Variants in ST6GAL2 observed in about 807,000 individuals in gnomAD.
ST6GAL2 encodes the protein beta-galactoside alpha-2,6-sialyltransferase 2.
A neutral mutation model predicts 37.5 loss-of-function variants in ST6GAL2; 24 were observed. That is an observed-to-expected ratio of 0.64 (90% CI 0.46 to 0.90). ST6GAL2 has a LOEUF of 0.90. ST6GAL2 is among the 40% of genes least tolerant of loss of function. ST6GAL2 has a pLI of 0.00. For synonymous variants in ST6GAL2, 306 were observed against 295.1 expected, an observed-to-expected ratio of 1.04 and a Z score of -0.38; for missense variants, 715 against 712.7, an observed-to-expected ratio of 1.00 and a Z score of -0.04.
intron 5 of ST6GAL2, chr2:106,813,084 A>G (rs1004066420): frequency 7.4e-6 from 9 of 1,222,544 alleles, no homozygotes; most frequent in East Asian, 3.3e-5. Context: ...ATCTTTAAAC[A>G]GTATGAATGT....
intron 5 of ST6GAL2, chr2:106,813,184 C>T: frequency 7.4e-7 from 1 of 1,353,876 alleles, no homozygotes. Context: ...GTGATCTCGG[C>T]TCACTGCAAG....
At chr2:106,811,631 G>A (rs903843764) in intron 5 of ST6GAL2, among the ~76,000 whole-genome samples, 2 of 152,032 alleles carry the variant, frequency 1.3e-5, no homozygotes. Context: ...TATCCTAAAC[G>A]TCATACTGAG....
chr2:106,823,420 T>C (rs1411244895), intron 5 of ST6GAL2, among the ~76,000 whole-genome samples: 2 of 144,218 alleles, frequency 1.4e-5, no homozygotes, highest in African/African-American at 5.1e-5. Flanking sequence ...TAACATTTAT[T>C]GCTTTCCTTT....
intron 1 of ST6GAL2, among the ~76,000 whole-genome samples, chr2:106,844,638 T>G (rs1267469194): frequency 6.6e-6 from 1 of 152,186 alleles, no homozygotes; most frequent in Non-Finnish European, 1.5e-5. Context: ...AGTGACTGTG[T>G]CTGTGGGTGA....
At chr2:106,847,736 A>G (rs951727269) in intron 1 of ST6GAL2, among the ~76,000 whole-genome samples, 4 of 152,198 alleles carry the variant, frequency 2.6e-5, no homozygotes, top group Non-Finnish European at 5.9e-5. Flanking sequence ...GGAAAGTACT[A>G]GATTTATGGC....
chr2:106,862,155 G>T (rs771395946), intron 1 of ST6GAL2, among the ~76,000 whole-genome samples: 6 of 152,168 alleles, frequency 3.9e-5, no homozygotes, highest in African/African-American at 1.4e-4. Context: ...TATATGATAT[G>T]CAGCTTAAAT....
At chr2:106,887,076 A>C (rs1034813), upstream of ST6GAL2, 1 of 152,226 alleles carries the variant, frequency 6.6e-6, no homozygotes, top group Non-Finnish European at 1.5e-5. Context: ...GTGGGCGGCC[A>C]GGAGGGAGTC....
intron 1 of ST6GAL2, among the ~76,000 whole-genome samples, chr2:106,859,986 T>C (rs558290911): frequency 6.6e-6 from 1 of 152,218 alleles, no homozygotes; most frequent in African/African-American, 2.4e-5. Flanking sequence ...CCCGACCCCT[T>C]GCTGCCCCTG....
intron 1 of ST6GAL2, among the ~76,000 whole-genome samples, chr2:106,856,548 C>T (rs1436332097): frequency 6.6e-6 from 1 of 152,226 alleles, no homozygotes; most frequent in Non-Finnish European, 1.5e-5. Context: ...TTACCCTCCT[C>T]TGTTTGACAT....
chr2:106,857,901 C>T lies in ST6GAL2; in HGVS notation c.-57-13867G>A, dbSNP rs114543378. Among the ~76,000 whole-genome samples, 473 of 152,276 alleles carry T rather than the reference C, an allele frequency of 3.1e-3. 5 individuals carry two copies. The highest frequency in any genetic ancestry group is 0.011 in the African/African-American group (450 of 41,544). Reference sequence around the variant, plus strand: ...ACACACAGGTCAGGTGTTTTCTCTCCAGTCTACTTGTCCAGTGCTCACTTT... The same window carrying T: ...ACACACAGGTCAGGTGTTTTCTCTCTAGTCTACTTGTCCAGTGCTCACTTT... On this transcript the variant is annotated intron_variant, in intron 1 of 5. Transcript: ENST00000409382.
intron 5 of ST6GAL2, among the ~76,000 whole-genome samples, chr2:106,812,559 G>T (rs1675648563): frequency 1.3e-5 from 2 of 152,132 alleles, no homozygotes; most frequent in Non-Finnish European, 1.5e-5. Context: ...CAGTTAGAGG[G>T]GTGGGAACCT....
chr2:106,817,998 G>C (rs1675868662), intron 5 of ST6GAL2, among the ~76,000 whole-genome samples: 1 of 152,114 alleles, frequency 6.6e-6, no homozygotes, highest in African/African-American at 2.4e-5. Flanking sequence ...GTGAAAAGGG[G>C]AAAGAACAGT....
At chr2:106,878,626 G>C (rs72933066) in intron 1 of ST6GAL2, among the ~76,000 whole-genome samples, 3 of 152,102 alleles carry the variant, frequency 2.0e-5, no homozygotes, top group African/African-American at 7.2e-5. Context: ...CAAAACCAGC[G>C]TAACTGTTTA....
rs1194841800 is a variant in ST6GAL2, at chr2:106,804,031, G to A, written c.*2647C>T. ...AGAACTTAAACTTTTATAGAAGAACGCCCAGTCAGTACTATATTAATGTGT... is the reference window on the plus strand; with the variant it reads ...AGAACTTAAACTTTTATAGAAGAACACCCAGTCAGTACTATATTAATGTGT... On this transcript the variant is annotated 3_prime_UTR_variant, in exon 6 of 6. Coordinates refer to ENST00000409382, the MANE Select transcript of ST6GAL2 (RefSeq NM_001142351.2). The A allele has an allele frequency of 2.0e-5, 3 of 152,070 alleles. No homozygotes were observed. Among genetic ancestry groups the A allele is most frequent in the Non-Finnish European group, 4.4e-5 (3 of 67,992 alleles). The allele number at this position is 152,070 out of a possible 1,614,324, so 9.4% of individuals were successfully genotyped here.
Position 106,803,254 on chromosome 2 carries a change from C to T in ST6GAL2, c.*3424G>A, listed in dbSNP as rs1350814838. ...ATTGATTAAGTGTCTGGCTGAGAGACCAAGAGGACCAGACACATGGGAAGT... is the reference window on the plus strand; with the variant it reads ...ATTGATTAAGTGTCTGGCTGAGAGATCAAGAGGACCAGACACATGGGAAGT... On this transcript the variant is annotated 3_prime_UTR_variant, in exon 6 of 6. Transcript: ENST00000409382. The T allele has an allele frequency of 6.6e-6, 1 of 152,100 alleles. No individual in the cohort carries two copies. The highest frequency in any genetic ancestry group is 1.5e-5 in the Non-Finnish European group (1 of 68,020). The allele number at this position is 152,100 out of a possible 1,614,324, so 9.4% of individuals were successfully genotyped here. A position where few individuals can be genotyped will look rare whatever the true frequency, so the allele number is the denominator to read the frequency against.
intron 1 of ST6GAL2, among the ~76,000 whole-genome samples, chr2:106,877,741 C>G (rs895627403): frequency 6.6e-6 from 1 of 152,224 alleles, no homozygotes; most frequent in Non-Finnish European, 1.5e-5. Context: ...ACCATATATA[C>G]ATAAAACAAA....
chr2:106,841,222 C>T (rs1249183033), intron 2 of ST6GAL2: 1 of 152,202 alleles, frequency 6.6e-6, no homozygotes, highest in Non-Finnish European at 1.5e-5. Flanking sequence ...CTGAGCCTGC[C>T]TACAGTGGCT....
chr2:106,853,348 C>T (rs1376007335), intron 1 of ST6GAL2, among the ~76,000 whole-genome samples: 4 of 152,322 alleles, frequency 2.6e-5, no homozygotes, highest in Admixed American at 2.6e-4. Context: ...CTAACATTTC[C>T]AAAGAGACTA....
intron 1 of ST6GAL2, among the ~76,000 whole-genome samples, chr2:106,869,482 G>A (rs985160110): frequency 2.0e-5 from 3 of 152,140 alleles, no homozygotes; most frequent in African/African-American, 7.2e-5. Flanking sequence ...ATCCTAGGAA[G>A]CCCGCAATTT....
Sources: allele counts gnomAD v4.1 joint callset (sites outside exome capture counted in the v4.1 genomes callset), GRCh38; gene constraint gnomAD v4.1.1; transcripts MANE v1.5; gene names NCBI Gene and HGNC (gene_info 2026-07-23, HGNC 2026-07-21).